AGBL4: variants seen among roughly 807,000 people sequenced by gnomAD.
The protein encoded by AGBL4 is AGBL carboxypeptidase 4, also known as cytosolic carboxypeptidase 6.
AGBL4 carries 58 observed loss-of-function variants against 66.4 expected under a neutral mutation model. The observed-to-expected ratio is 0.87, with a 90% CI of 0.71 to 1.09. AGBL4 has a LOEUF of 1.09. Among genes scored for constraint, AGBL4 ranks in the 50% least tolerant of loss-of-function variants. The pLI, the probability that AGBL4 is intolerant of heterozygous loss-of-function variation, is 0.00. For missense variants in AGBL4, 579 were observed against 631.0 expected (o/e 0.92, Z 0.88); for synonymous variants, 234 against 222.9 (o/e 1.05, Z -0.44).
chr1:49,225,873 G>A (rs1649872712), intron 4 of AGBL4, among the ~76,000 whole-genome samples: 1 of 152,124 alleles, frequency 6.6e-6, no homozygotes, highest in Non-Finnish European at 1.5e-5. Flanking sequence ...GTAATGAAAG[G>A]TGCTCAGTAC....
At chr1:48,967,783 T>C (rs1658564720) in intron 5 of AGBL4, among the ~76,000 whole-genome samples, 1 of 152,086 alleles carries the variant, frequency 6.6e-6, no homozygotes, top group African/African-American at 2.4e-5. Flanking sequence ...AGCAGTCAAA[T>C]TTAGCTGAAA....
At chr1:48,967,500 C>CA (rs1658541678) in intron 5 of AGBL4, among the ~76,000 whole-genome samples, 1 of 152,158 alleles carries the variant, frequency 6.6e-6, no homozygotes, top group African/African-American at 2.4e-5. Context: ...GATAGCTGAA[C>CA]AATCACACCA....
chr1:48,536,121 T>C lies in AGBL4; in HGVS notation c.1365-1205A>G, dbSNP rs565928062. On this transcript the variant is annotated intron_variant, in intron 12 of 13. Coordinates refer to ENST00000371839, the MANE Select transcript of AGBL4 (RefSeq NM_032785.4). ...GCAGCTCTGTCTCGGGCAGAGAACATGGACAAGGAAACAGGTTGTGATATT... is the reference window on the plus strand; with the variant it reads ...GCAGCTCTGTCTCGGGCAGAGAACACGGACAAGGAAACAGGTTGTGATATT... 2.6e-5 allele frequency among the ~76,000 whole-genome samples: 4 copies of C among 152,132 alleles called. No individual in the cohort carries two copies. In the South Asian group the frequency reaches 8.3e-4, roughly 32 times the overall value.
chr1:49,879,352 C>A (rs1249133640), intron 1 of AGBL4, among the ~76,000 whole-genome samples: 1 of 150,244 alleles, frequency 6.7e-6, no homozygotes, highest in East Asian at 2.0e-4. Context: ...TTAGGGCAGG[C>A]CTGGTGGTGA....
At chr1:49,066,030 G>T (rs922877593) in intron 4 of AGBL4, among the ~76,000 whole-genome samples, 1 of 152,130 alleles carries the variant, frequency 6.6e-6, no homozygotes, top group Non-Finnish European at 1.5e-5. Flanking sequence ...AAGCTGACAA[G>T]TTATTGCTGT....
chr1:49,153,345 A>T (rs1646373847), intron 4 of AGBL4, among the ~76,000 whole-genome samples: 1 of 152,118 alleles, frequency 6.6e-6, no homozygotes, highest in Admixed American at 6.6e-5. Context: ...ATAAAGAATG[A>T]TACACATGAA....
intron 6 of AGBL4, among the ~76,000 whole-genome samples, chr1:48,679,939 T>C (rs1055962140): frequency 6.6e-6 from 1 of 152,156 alleles, no homozygotes; most frequent in Admixed American, 6.5e-5. Context: ...GTGCTATACC[T>C]CTCCTGTGCC....
At chr1:48,947,981 C>T (rs1008406499) in intron 5 of AGBL4, among the ~76,000 whole-genome samples, 5 of 151,840 alleles carry the variant, frequency 3.3e-5, no homozygotes, top group African/African-American at 1.2e-4. Context: ...AGCTCCACCT[C>T]CCAGGTAATA....
At chr1:49,436,517 G>C (rs1287617790) in intron 3 of AGBL4, among the ~76,000 whole-genome samples, 1 of 151,944 alleles carries the variant, frequency 6.6e-6, no homozygotes, top group Non-Finnish European at 1.5e-5. Flanking sequence ...ATAATCAAGA[G>C]AATTTATCAT....
intron 3 of AGBL4, among the ~76,000 whole-genome samples, chr1:49,422,344 T>C (rs1220609473): frequency 6.6e-6 from 1 of 152,232 alleles, no homozygotes; most frequent in Non-Finnish European, 1.5e-5. Flanking sequence ...GTGGTTTCTA[T>C]GTCTTCACAA....
At chr1:49,073,628 G>A (rs111331823) in intron 4 of AGBL4, among the ~76,000 whole-genome samples, 5 of 152,190 alleles carry the variant, frequency 3.3e-5, no homozygotes, top group Admixed American at 1.3e-4. Flanking sequence ...TGGAAGCTTC[G>A]TCCCAGAAGG....
intron 4 of AGBL4, among the ~76,000 whole-genome samples, chr1:49,086,052 C>T (rs1192554986): frequency 6.6e-6 from 1 of 152,190 alleles, no homozygotes; most frequent in African/African-American, 2.4e-5. Context: ...TCTATCTGAA[C>T]TCAGGCAGTG....
At chr1:49,821,858 T>C (rs1400795568) in intron 2 of AGBL4, among the ~76,000 whole-genome samples, 1 of 152,192 alleles carries the variant, frequency 6.6e-6, no homozygotes, top group African/African-American at 2.4e-5. Context: ...CTTTTAAAAA[T>C]AGAATACATA....
chr1:49,776,043 A>G (rs1295788856), intron 2 of AGBL4, among the ~76,000 whole-genome samples: 2 of 152,214 alleles, frequency 1.3e-5, no homozygotes, highest in Admixed American at 1.3e-4. Flanking sequence ...AGTTCAGAGT[A>G]AATTGAGAGA....
At chr1:49,999,843 T>C (rs964082936) in intron 1 of AGBL4, among the ~76,000 whole-genome samples, 4 of 152,040 alleles carry the variant, frequency 2.6e-5, no homozygotes, top group Non-Finnish European at 5.9e-5. Flanking sequence ...ATTCAACAAA[T>C]AGTGCTGGGA....
intron 3 of AGBL4, among the ~76,000 whole-genome samples, chr1:49,672,228 A>G (rs571381509): frequency 2.0e-5 from 3 of 152,126 alleles, no homozygotes; most frequent in African/African-American, 7.2e-5. Flanking sequence ...GTAAACTAAC[A>G]CAAGAACAGA....
intron 4 of AGBL4, among the ~76,000 whole-genome samples, chr1:49,081,915 T>C (rs1353346208): frequency 6.6e-6 from 1 of 152,292 alleles, no homozygotes; most frequent in South Asian, 2.1e-4. Flanking sequence ...GGCACAGTCC[T>C]TCCCTAAGGA....
chr1:49,119,099 T>A (rs1389564067), intron 4 of AGBL4, among the ~76,000 whole-genome samples: 1 of 152,214 alleles, frequency 6.6e-6, no homozygotes, highest in Admixed American at 6.5e-5. Flanking sequence ...TTCTTCTTTA[T>A]TAGTCTTGCT....
chr1:49,826,205 G>A (rs573354980), intron 2 of AGBL4, among the ~76,000 whole-genome samples: 1 of 152,136 alleles, frequency 6.6e-6, no homozygotes, highest in South Asian at 2.1e-4. Context: ...TGTAATTGAA[G>A]TTTAGTGCAC....
Sources: allele counts gnomAD v4.1 joint callset (sites outside exome capture counted in the v4.1 genomes callset), GRCh38; gene constraint gnomAD v4.1.1; transcripts MANE v1.5; gene names NCBI Gene and HGNC (gene_info 2026-07-23, HGNC 2026-07-21).